OTOG: variants seen among roughly 807,000 people sequenced by gnomAD.
OTOG encodes the protein otogelin.
In OTOG, 296 loss-of-function variants were observed where a neutral mutation model predicts 313.8. The ratio of observed to expected loss-of-function variants is 0.94; its 90% CI spans 0.86 to 1.04. The LOEUF (loss-of-function observed/expected upper bound fraction) is 1.04, where lower values mean the gene tolerates loss of function less well. Among genes scored for constraint, OTOG ranks in the 50% least tolerant of loss-of-function variants. The probability of loss-of-function intolerance (pLI) is 0.00; values close to 1 mark genes in which losing one functional copy is unlikely to be tolerated. For synonymous variants in OTOG, 1,533 were observed against 1,554.9 expected (o/e 0.99, Z 0.33); for missense variants, 3,948 against 3,840.1 (o/e 1.03, Z -0.74).
chr11:17,644,892 A>C (rs1848043289), intron 54 of OTOG, among the ~76,000 whole-genome samples: 1 of 152,162 alleles, frequency 6.6e-6, no homozygotes, highest in Admixed American at 6.5e-5. Flanking sequence ...AAGAAGGGGA[A>C]TCAGGTAATG....
chr11:17,570,010 C>G (rs1278391548), intron 16 of OTOG, among the ~76,000 whole-genome samples: 2 of 152,232 alleles, frequency 1.3e-5, no homozygotes, highest in Non-Finnish European at 2.9e-5. Flanking sequence ...GGGAAGTTAT[C>G]TCTGGGTCCT....
chr11:17,601,175 G>A (rs941696228), intron 31 of OTOG, among the ~76,000 whole-genome samples: 2 of 152,182 alleles, frequency 1.3e-5, no homozygotes, highest in African/African-American at 4.8e-5. Flanking sequence ...GGTGACAGAT[G>A]TGGGCCTCCC....
At chr11:17,607,380 G>GT (rs1853415873) in intron 33 of OTOG, among the ~76,000 whole-genome samples, 1 of 152,190 alleles carries the variant, frequency 6.6e-6, no homozygotes, top group Non-Finnish European at 1.5e-5. Flanking sequence ...GGGTCTACTT[G>GT]TCTGCCTCCA....
At chr11:17,595,162 C>A (rs574581707) in intron 28 of OTOG, among the ~76,000 whole-genome samples, 10 of 152,246 alleles carry the variant, frequency 6.6e-5, no homozygotes, top group African/African-American at 1.9e-4. Context: ...GCTGTTCCCA[C>A]AGCCTCTGAA....
In OTOG at chr11:17,549,341, G is replaced by C. The variant is rs193281000; in HGVS notation, c.216+1129G>C. On this transcript the variant is annotated intron_variant, in intron 3 of 55. Transcript: ENST00000399397. ...GGAGAATCGTTTATGACAGCAATGA[G>C]TCCCAACTCCTGCCCTTTGGAAATA... is the stretch of plus-strand genomic sequence containing the variant. Among the ~76,000 whole-genome samples the C allele has an allele frequency of 3.3e-5, 5 of 152,322 alleles. No homozygotes were observed. In the East Asian group the frequency reaches 9.7e-4, roughly 29 times the overall value.
In OTOG at chr11:17,610,234, C is replaced by A. The variant is rs1590040314; in HGVS notation, c.4934C>A (p.Ser1645Tyr). 4 of 1,550,602 alleles carry A rather than the reference C, an allele frequency of 2.6e-6. No homozygotes were observed. The highest frequency in any genetic ancestry group is 2.0e-5 in the Admixed American group (1 of 50,994). The change falls in exon 36 of 56, where the codon TCC becomes TAC. Residue 1645 changes from serine to tyrosine, a missense_variant. By Grantham distance (144) the Ser-to-Tyr change is moderately radical (BLOSUM62 -2). Transcript: ENST00000399397. ...PQPSLTASPS[S>Y]RPVASPGAIS... ...CCCTCCTTGACAGCAAGTCCCTCCT[C>A]CAGACCTGTGGCTTCCCCTGGAGCC...
chr11:17,587,342 A>T (rs939165495), intron 24 of OTOG, among the ~76,000 whole-genome samples: 7 of 152,148 alleles, frequency 4.6e-5, no homozygotes, highest in South Asian at 2.1e-4. Context: ...CAGCTTTCTG[A>T]TAGAGAGAAT....
intron 47 of OTOG, among the ~76,000 whole-genome samples, chr11:17,638,117 G>A (rs79679825): frequency 3.1e-4 from 47 of 152,370 alleles, no homozygotes; most frequent in African/African-American, 1.0e-3. Context: ...GTTAGACAGA[G>A]CGGGATGTTC....
intron 4 of OTOG, 123 bp from the exon 5 acceptor site, chr11:17,552,996 G>A (rs1851976518): frequency 1.2e-6 from 1 of 837,746 alleles, no homozygotes; most frequent in Admixed American, 2.2e-5. Flanking sequence ...TAGCTGCTGA[G>A]GAATGTTGGG....
At chr11:17,573,772 C>T (rs529065984) in intron 19 of OTOG, among the ~76,000 whole-genome samples, 2 of 152,358 alleles carry the variant, frequency 1.3e-5, no homozygotes, top group Non-Finnish European at 2.9e-5. Context: ...TGGCACAAGG[C>T]CTGACTCTCA....
At chr11:17,565,280 T>C (rs1321770701) in intron 15 of OTOG, among the ~76,000 whole-genome samples, 1 of 152,206 alleles carries the variant, frequency 6.6e-6, no homozygotes, top group East Asian at 1.9e-4. Flanking sequence ...TTTTGGATAA[T>C]GCCTCTCTAT....
chr11:17,596,198 C>A (rs1309727430), intron 29 of OTOG, 44 bp downstream of exon 29: 1 of 1,371,724 alleles, frequency 7.3e-7, no homozygotes, highest in Admixed American at 2.0e-5. Flanking sequence ...GCCCCCTCCA[C>A]TGTCCTGGGA....
At chr11:17,641,454 A>G (rs1034777024) in intron 51 of OTOG, among the ~76,000 whole-genome samples, 1 of 152,184 alleles carries the variant, frequency 6.6e-6, no homozygotes, top group Non-Finnish European at 1.5e-5. Context: ...ACTGGCTTCT[A>G]GTAAGGGCTA....
chr11:17,558,526 C>T lies in OTOG; in HGVS notation c.997-12C>T, dbSNP rs534927556. The T allele has an allele frequency of 5.5e-5, 85 of 1,550,288 alleles. 1 individual carries two copies. In the Middle Eastern group the frequency reaches 6.7e-4, roughly 12 times the overall value. ...CCAGCCCCTAGCCCTGGCTCCTGGT[C>T]CCTTGCTCTAGGGCGTGTACGAGCA... On this transcript the variant is annotated splice_polypyrimidine_tract_variant and intron_variant, in intron 9 of 55. Coordinates refer to ENST00000399397, the MANE Select transcript of OTOG (RefSeq NM_001292063.2).
At chr11:17,552,260 G>A (rs954284335) in intron 4 of OTOG, among the ~76,000 whole-genome samples, 185 bp downstream of exon 4, 1 of 152,162 alleles carries the variant, frequency 6.6e-6, no homozygotes, top group Non-Finnish European at 1.5e-5. Context: ...CCCTGCCTGA[G>A]GAGAGCTTCC....
intron 24 of OTOG, 128 bp from the exon 25 acceptor site, chr11:17,591,322 T>G: frequency 3.2e-6 from 4 of 1,253,178 alleles, no homozygotes; most frequent in Non-Finnish European, 4.3e-6. Flanking sequence ...CTGTTAGAGG[T>G]TGGTGTTTGT....
At chr11:17,550,155 T>C (rs1435176127) in intron 3 of OTOG, among the ~76,000 whole-genome samples, 2 of 152,238 alleles carry the variant, frequency 1.3e-5, no homozygotes, top group African/African-American at 4.8e-5. Context: ...TTTTTGACTG[T>C]CACCAATAGA....
At chr11:17,558,970 C>T (rs1852116481) in intron 10 of OTOG, 82 bp from the exon 11 acceptor site, 1 of 1,117,776 alleles carries the variant, frequency 8.9e-7, no homozygotes, top group Non-Finnish European at 1.3e-6. Flanking sequence ...TGCCCTGAAG[C>T]CCTGGCAGTG....
chr11:17,629,762 CTGCCACAA>C lies in OTOG; in HGVS notation c.6712+448_6712+455del, dbSNP rs1854070577. On this transcript the variant is annotated intron_variant, in intron 40 of 55. Transcript: ENST00000399397. ...GCTTACCCAAGGGCACACAGCAGAG[CTGCCACAA>C]TACACAGAACTAATGCTCTTCAGAC... Among the ~76,000 whole-genome samples the C allele has an allele frequency of 2.6e-5, 4 of 152,340 alleles. No individual in the cohort carries two copies. The South Asian group carries it at 6.2e-4, about 24-fold the overall frequency.
Sources: allele counts gnomAD v4.1 joint callset (sites outside exome capture counted in the v4.1 genomes callset), GRCh38; gene constraint gnomAD v4.1.1; transcripts MANE v1.5; gene names NCBI Gene and HGNC (gene_info 2026-07-23, HGNC 2026-07-21).